CTNND2: variants seen among roughly 807,000 people sequenced by gnomAD.
CTNND2 encodes the protein catenin delta 2.
Under a neutral mutation model 144.4 loss-of-function variants are expected in CTNND2, and 22 were observed. That is an observed-to-expected ratio of 0.15 (90% confidence interval 0.11 to 0.22). The LOEUF is 0.22. CTNND2 is among the 10% of genes least tolerant of loss of function. CTNND2 has a pLI of 1.00. For missense variants in CTNND2, 1,353 were observed against 1,618.8 expected, an observed-to-expected ratio of 0.84 and a Z score of 2.82; for synonymous variants, 751 against 695.6, an observed-to-expected ratio of 1.08 and a Z score of -1.25.
At chr5:11,549,270 GT>G (rs1301081514) in intron 3 of CTNND2, among the ~76,000 whole-genome samples, 1 of 152,136 alleles carries the variant, frequency 6.6e-6, no homozygotes, top group East Asian at 1.9e-4. Flanking sequence ...TATATTTGGC[GT>G]CTGTAACATT....
chr5:11,811,113 A>G (rs1792307522), intron 1 of CTNND2, among the ~76,000 whole-genome samples: 1 of 152,134 alleles, frequency 6.6e-6, no homozygotes, highest in Non-Finnish European at 1.5e-5. Context: ...TTTCCTAGGA[A>G]CCAGTCACTC....
intron 5 of CTNND2, among the ~76,000 whole-genome samples, chr5:11,398,229 C>T (rs892749313): frequency 4.6e-5 from 7 of 152,098 alleles, no homozygotes; most frequent in Non-Finnish European, 8.8e-5. Context: ...CATTCTTGAT[C>T]CCCCTCTTTG....
At chr5:11,712,026 G>A (rs1323278486) in intron 2 of CTNND2, among the ~76,000 whole-genome samples, 2 of 152,192 alleles carry the variant, frequency 1.3e-5, no homozygotes, top group Non-Finnish European at 2.9e-5. Context: ...TTTGTGTAAT[G>A]TTGGATAAAA....
At chr5:11,744,690 TGTGTGCGTGTGTGTGTGTGTGCAC>T (rs984616707) in intron 1 of CTNND2, among the ~76,000 whole-genome samples, 3 of 146,884 alleles carry the variant, frequency 2.0e-5, no homozygotes, top group African/African-American at 8.0e-5. Flanking sequence ...TGTGTTTGTG[TGTGTGCGTGTGTGTGTGTGTGCAC>T]GTGTGTGTGT....
chr5:11,476,009 A>G (rs1354502712), intron 3 of CTNND2, among the ~76,000 whole-genome samples: 1 of 149,414 alleles, frequency 6.7e-6, no homozygotes, highest in Admixed American at 6.7e-5. Flanking sequence ...ACAGGTGTGC[A>G]CCACCATGCC....
intron 2 of CTNND2, among the ~76,000 whole-genome samples, chr5:11,682,628 C>T (rs1289278416): frequency 6.6e-6 from 1 of 152,136 alleles, no homozygotes; most frequent in Admixed American, 6.6e-5. Context: ...AATCATAATA[C>T]ATTTCATGAT....
chr5:10,972,247 A>G lies in CTNND2; in HGVS notation c.*1206T>C, dbSNP rs956119841. 1.4e-4 allele frequency: 22 copies of G among 152,668 alleles called. No individual in the cohort carries two copies. The highest frequency in any genetic ancestry group is 1.2e-4 in the African/African-American group (5 of 41,458). 9.5% of individuals were successfully genotyped at this position (152,668 alleles called of 1,614,324 possible). On this transcript the variant is annotated 3_prime_UTR_variant, in exon 22 of 22. Transcript: ENST00000304623. ...GTATGCGTGAATGTGTGAAAATCCT[A>G]TAACTCCACTTCAACTGGCCTAATA... is the stretch of plus-strand genomic sequence containing the variant.
intron 3 of CTNND2, among the ~76,000 whole-genome samples, chr5:11,530,165 T>C (rs1773613748): frequency 6.6e-6 from 1 of 151,546 alleles, no homozygotes; most frequent in South Asian, 2.1e-4. Flanking sequence ...GGCACAACTC[T>C]ACTGGGGAAG....
intron 3 of CTNND2, among the ~76,000 whole-genome samples, chr5:11,563,902 T>A (rs61763045): frequency 0.071 from 10,761 of 152,150 alleles, 455 homozygotes; most frequent in Middle Eastern, 0.095. Context: ...TAGCTAAGAG[T>A]CAACCAAACT....
At chr5:11,189,504 C>G (rs913767686) in intron 11 of CTNND2, among the ~76,000 whole-genome samples, 1 of 152,162 alleles carries the variant, frequency 6.6e-6, no homozygotes, top group Non-Finnish European at 1.5e-5. Flanking sequence ...AGGATCCACT[C>G]TTACTTAATA....
chr5:11,430,784 C>T (rs1366686471), intron 3 of CTNND2, among the ~76,000 whole-genome samples: 1 of 152,156 alleles, frequency 6.6e-6, no homozygotes, highest in South Asian at 2.1e-4. Context: ...GAATAGAGAA[C>T]AGAAATGCCA....
chr5:10,991,403 C>CA (rs1337419937), intron 19 of CTNND2, among the ~76,000 whole-genome samples: 1 of 152,180 alleles, frequency 6.6e-6, no homozygotes, highest in Non-Finnish European at 1.5e-5. Flanking sequence ...TAAGAGCCTA[C>CA]ATAGCTGTCA....
At chr5:11,744,068 G>C (rs989468973) in intron 1 of CTNND2, among the ~76,000 whole-genome samples, 1 of 152,156 alleles carries the variant, frequency 6.6e-6, no homozygotes, top group African/African-American at 2.4e-5. Context: ...AAGCAGCCAG[G>C]CTCTAGCAAA....
At chr5:11,362,813 T>C (rs1466631381) in intron 8 of CTNND2, among the ~76,000 whole-genome samples, 1 of 152,190 alleles carries the variant, frequency 6.6e-6, no homozygotes, top group African/African-American at 2.4e-5. Flanking sequence ...CATTGACCGC[T>C]TGGAGCAGGA....
chr5:11,534,434 T>A lies in CTNND2; in HGVS notation c.287+30510A>T, dbSNP rs114496035. Among the ~76,000 whole-genome samples, 1,130 of 151,310 alleles carry A rather than the reference T, an allele frequency of 7.5e-3. 12 individuals carry two copies. Among genetic ancestry groups the A allele is most frequent in the African/African-American group, 0.026 (1,090 of 41,208 alleles). The stretch of plus-strand genomic sequence containing the variant: ...AGTTCGAGACCAGCCTGGCTAACAT[T>A]CCTACCAAAAAGTACAAAAAATTAG... On this transcript the variant is annotated intron_variant, in intron 3 of 21. Coordinates refer to ENST00000304623, the MANE Select transcript of CTNND2 (RefSeq NM_001332.4).
Position 10,988,016 on chromosome 5 carries a change from C to A in CTNND2, c.3343+95G>T. 6.5e-7 allele frequency: 1 copy of A among 1,528,210 alleles called. No homozygotes were observed. Among genetic ancestry groups the A allele is most frequent in the Non-Finnish European group, 8.9e-7 (1 of 1,123,972 alleles). The allele number at this position is 1,528,210 out of a possible 1,614,324, so 94.7% of individuals were successfully genotyped here. On this transcript the variant is annotated intron_variant, in intron 20 of 21. Transcript: ENST00000304623. This position sits in a 1 kb window ranked among gnomAD's most constrained non-coding sequence, Gnocchi z 5.9. ...TGCTAAGTCCTGCTCAGCAGCCAAG[C>A]GCAGCCAGCCCCGTGAAGCCTGATG...
At chr5:11,249,558 G>A (rs1199112536) in intron 9 of CTNND2, among the ~76,000 whole-genome samples, 1 of 152,164 alleles carries the variant, frequency 6.6e-6, no homozygotes, top group Non-Finnish European at 1.5e-5. Context: ...AGAATGAGCA[G>A]TCATTCATAT....
chr5:11,326,733 C>T (rs908463170), intron 9 of CTNND2, among the ~76,000 whole-genome samples: 17 of 152,198 alleles, frequency 1.1e-4, no homozygotes, highest in Non-Finnish European at 2.1e-4. Flanking sequence ...AATGGGAAGG[C>T]CTTTTTCAAT....
At chr5:11,355,395 A>G (rs548811374) in intron 8 of CTNND2, among the ~76,000 whole-genome samples, 19 of 152,260 alleles carry the variant, frequency 1.2e-4, no homozygotes, top group Non-Finnish European at 2.5e-4. Flanking sequence ...ACATTAACAG[A>G]ACCAAGGATA....
Sources: allele counts gnomAD v4.1 joint callset (sites outside exome capture counted in the v4.1 genomes callset), GRCh38; gene constraint gnomAD v4.1.1; non-coding constraint Gnocchi (gnomAD v3.1); transcripts MANE v1.5; gene names NCBI Gene and HGNC (gene_info 2026-07-23, HGNC 2026-07-21).